RBBP5: variants seen among roughly 807,000 people sequenced by gnomAD.
The protein encoded by RBBP5 is retinoblastoma-binding protein 5.
RBBP5 carries 5 observed loss-of-function variants against 72.2 expected under a neutral mutation model. The observed-to-expected ratio is 0.07, with a 90% CI of 0.04 to 0.15. The LOEUF (loss-of-function observed/expected upper bound fraction) is 0.15, where lower values mean the gene tolerates loss of function less well. RBBP5 is among the 10% of genes least tolerant of loss of function. The pLI is 1.00. For synonymous variants in RBBP5, 209 were observed against 237.2 expected (o/e 0.88, Z 1.09); for missense variants, 322 against 652.2 (o/e 0.49, Z 5.51).
intron 3 of RBBP5, among the ~76,000 whole-genome samples, chr1:205,108,061 G>A (rs1423859962): frequency 6.6e-6 from 1 of 151,778 alleles, no homozygotes; most frequent in Non-Finnish European, 1.5e-5. Flanking sequence ...TGGTCAACAT[G>A]GTGAAACCCG....
chr1:205,113,663 TACAC>T (rs1004272009), intron 3 of RBBP5, among the ~76,000 whole-genome samples: 1 of 150,270 alleles, frequency 6.7e-6, no homozygotes, highest in African/African-American at 2.4e-5. Context: ...GTGAAACACA[TACAC>T]ACACACATAA....
chr1:205,094,955 T>C lies in RBBP5; in HGVS notation c.1506A>G (p.Lys502=). ...GTAAACCTCTGTCCCCTTTGTAGAG[T>C]TTCGGTTTAAATGGAGAATCTTTCT... The part of the protein sequence containing the change: ...GKEKDSPFKP[K]LYKGDRGLPL... Residue 502 remains lysine (K), a synonymous_variant, in exon 13 of 14, where the codon AAA becomes AAG. Coordinates refer to ENST00000264515, the MANE Select transcript of RBBP5 (RefSeq NM_005057.4). The C allele has an allele frequency of 1.2e-6, 2 of 1,614,098 alleles. No individual in the cohort carries two copies. The highest frequency in any genetic ancestry group is 1.7e-6 in the Non-Finnish European group (2 of 1,180,022).
At chr1:205,089,047 G>A (rs893324662) in intron 13 of RBBP5, among the ~76,000 whole-genome samples, 3 of 152,220 alleles carry the variant, frequency 2.0e-5, no homozygotes, top group Admixed American at 2.0e-4. Context: ...CTGTCCCAAA[G>A]GGTTGGGGGA....
intron 1 of RBBP5, among the ~76,000 whole-genome samples, chr1:205,120,096 C>T (rs1656678118): frequency 6.6e-6 from 1 of 152,150 alleles, no homozygotes; most frequent in African/African-American, 2.4e-5. Context: ...TACTCATCAG[C>T]ACTATATGCA....
In RBBP5 at chr1:205,087,838, G is replaced by A. The variant is rs1655194370; in HGVS notation, c.*949C>T. 2.0e-5 allele frequency: 3 copies of A among 152,604 alleles called. No individual in the cohort carries two copies. The highest frequency in any genetic ancestry group is 3.9e-4 in the East Asian group (2 of 5,192). The allele number at this position is 152,604 out of a possible 1,614,324, so 9.5% of individuals were successfully genotyped here. A position where few individuals can be genotyped will look rare whatever the true frequency, so the allele number is the denominator to read the frequency against. On this transcript the variant is annotated 3_prime_UTR_variant, in exon 14 of 14. Transcript: ENST00000264515. ...CAGGGAAAAATGCAATGACTGATGA[G>A]GATAGATTTCCACAGGCAGTGATAC...
intron 6 of RBBP5, among the ~76,000 whole-genome samples, chr1:205,100,691 T>C (rs944080034): frequency 2.6e-5 from 4 of 152,250 alleles, no homozygotes; most frequent in Non-Finnish European, 5.9e-5. Flanking sequence ...GAAATCTGTA[T>C]GAAATATTAG....
chr1:205,094,444 A>C (rs1257125748), intron 13 of RBBP5, among the ~76,000 whole-genome samples: 1 of 152,206 alleles, frequency 6.6e-6, no homozygotes, highest in African/African-American at 2.4e-5. Flanking sequence ...TATATAAAAC[A>C]AGCTTGTACT....
chr1:205,120,252 C>T (rs537985373), intron 1 of RBBP5, among the ~76,000 whole-genome samples: 1 of 152,250 alleles, frequency 6.6e-6, no homozygotes, highest in Admixed American at 6.5e-5. Flanking sequence ...TCAGACAAAC[C>T]TTACAAACTC....
intron 3 of RBBP5, among the ~76,000 whole-genome samples, chr1:205,108,436 A>G (rs186462710): frequency 3.3e-5 from 5 of 152,328 alleles, no homozygotes; most frequent in East Asian, 1.9e-4. Flanking sequence ...ATGTTCACCA[A>G]TACAACTTAT....
chr1:205,108,870 G>T (rs1312793735), intron 3 of RBBP5, among the ~76,000 whole-genome samples: 1 of 152,136 alleles, frequency 6.6e-6, no homozygotes, highest in African/African-American at 2.4e-5. Context: ...GAAGGCTGTT[G>T]AAAGAATTTA....
At chr1:205,097,660 A>T (rs1057242745) in intron 10 of RBBP5, among the ~76,000 whole-genome samples, 25 of 152,338 alleles carry the variant, frequency 1.6e-4, no homozygotes, top group African/African-American at 5.5e-4. Flanking sequence ...AGACAGTTTC[A>T]ATTTAATACA....
chr1:205,104,414 T>A (rs572626117), intron 4 of RBBP5, among the ~76,000 whole-genome samples: 1 of 151,868 alleles, frequency 6.6e-6, no homozygotes, highest in Non-Finnish European at 1.5e-5. Flanking sequence ...TCCCAGCTAC[T>A]TGGGAGGCCG....
At chr1:205,090,087 C>T (rs1180270966) in intron 13 of RBBP5, among the ~76,000 whole-genome samples, 5 of 152,138 alleles carry the variant, frequency 3.3e-5, no homozygotes, top group African/African-American at 1.2e-4. Flanking sequence ...CTCCTGTCCT[C>T]GAGTGATCCA....
chr1:205,108,192 G>GAT (rs1656158746), intron 3 of RBBP5, among the ~76,000 whole-genome samples: 1 of 150,450 alleles, frequency 6.6e-6, no homozygotes, highest in South Asian at 2.1e-4. Context: ...GCAGTGAGCA[G>GAT]ATATCGCAGC....
Position 205,114,863 on chromosome 1 carries a change from A to T in RBBP5, c.144T>A (p.Ile48=), listed in dbSNP as rs1269012939. The T allele has an allele frequency of 1.3e-6, 2 of 1,570,186 alleles. No homozygotes were observed. Among genetic ancestry groups the T allele is most frequent in the East Asian group, 4.7e-5 (2 of 42,952 alleles). ...CTCTTGTCAAGAAATCCCAGATGAC[A>T]ATTCGGCCATCATTACAGCCAACTG... The part of the protein sequence containing the change: ...LLAVGCNDGR[I]VIWDFLTRGI... The change falls in exon 3 of 14, where the codon ATT becomes ATA. Residue 48 remains isoleucine, a synonymous_variant. Transcript: ENST00000264515.
intron 4 of RBBP5, among the ~76,000 whole-genome samples, chr1:205,104,437 C>T (rs144614611): frequency 0.02 from 3,035 of 152,168 alleles, 58 homozygotes; most frequent in Admixed American, 0.062. Context: ...GCAAGAGAAT[C>T]GCTTGAAAAC....
intron 3 of RBBP5, among the ~76,000 whole-genome samples, chr1:205,109,586 GA>G (rs1656223168): frequency 2.1e-5 from 3 of 146,026 alleles, no homozygotes; most frequent in Non-Finnish European, 4.5e-5. Context: ...AAAAAAAAAA[GA>G]AAAAAAACCT....
rs1330266389 is a variant in RBBP5 at position 205,087,497 on chromosome 1, A to G, written c.*1290T>C. On this transcript the variant is annotated 3_prime_UTR_variant, in exon 14 of 14. Transcript: ENST00000264515. ...AGGCGTGACCCACCACGCCCGGCTCACCAACTGATATATTTCACAGTAAGC... is the reference window on the plus strand; with the variant it reads ...AGGCGTGACCCACCACGCCCGGCTCGCCAACTGATATATTTCACAGTAAGC... 6.7e-6 allele frequency: 1 copy of G among 148,982 alleles called. No homozygotes were observed. The highest frequency in any genetic ancestry group is 1.5e-5 in the Non-Finnish European group (1 of 67,582). The allele number at this position is 148,982 out of a possible 1,614,324, so 9.2% of individuals were successfully genotyped here. A position where few individuals can be genotyped will look rare whatever the true frequency, so the allele number is the denominator to read the frequency against.
rs911494319 is a variant in RBBP5, at chr1:205,099,199, G to A, written c.979-93C>T. Reference sequence around the variant, plus strand: ...AAAATGAAAGATGTGAGCATGAAAGGAATTCACAATTCTTAGATTAAATTT... The same window carrying A: ...AAAATGAAAGATGTGAGCATGAAAGAAATTCACAATTCTTAGATTAAATTT... On this transcript the variant is annotated intron_variant, in intron 9 of 13. Transcript: ENST00000264515. This position sits in a 1 kb window ranked among gnomAD's most constrained non-coding sequence, Gnocchi z 4.7. The A allele has an allele frequency of 1.3e-6, 1 of 769,466 alleles. No individual in the cohort carries two copies. Among genetic ancestry groups the A allele is most frequent in the African/African-American group, 1.8e-5 (1 of 55,530 alleles). 47.7% of individuals were successfully genotyped at this position (769,466 alleles called of 1,614,324 possible).
Sources: allele counts gnomAD v4.1 joint callset (sites outside exome capture counted in the v4.1 genomes callset), GRCh38; gene constraint gnomAD v4.1.1; non-coding constraint Gnocchi (gnomAD v3.1); transcripts MANE v1.5; gene names NCBI Gene and HGNC (gene_info 2026-07-23, HGNC 2026-07-21).